The following FHIT variants were observed in gnomAD, a reference collection of about 807,000 sequenced individuals.
The protein encoded by FHIT is bis(5'-adenosyl)-triphosphatase.
A neutral mutation model predicts 17.9 loss-of-function variants in FHIT; 19 were observed. The observed-to-expected ratio is 1.06, with a 90% CI of 0.74 to 1.56. The LOEUF is 1.56. Ranked by LOEUF, FHIT falls within the 40% of genes most tolerant of loss-of-function variation. The pLI, the probability that FHIT is intolerant of heterozygous loss-of-function variation, is 0.00. For missense variants in FHIT, 248 were observed against 189.2 expected (o/e 1.31, Z -1.82); for synonymous variants, 81 against 69.7 (o/e 1.16, Z -0.81).
chr3:60,381,750 TG>T (rs1700807845), intron 5 of FHIT, among the ~76,000 whole-genome samples: 1 of 152,188 alleles, frequency 6.6e-6, no homozygotes, highest in Non-Finnish European at 1.5e-5. Context: ...TTTCCTTTTT[TG>T]TTTTTTTTCT....
intron 5 of FHIT, among the ~76,000 whole-genome samples, chr3:60,395,442 C>A (rs1286237887): frequency 6.6e-6 from 1 of 152,100 alleles, no homozygotes; most frequent in Admixed American, 6.6e-5. Flanking sequence ...GAATCCATAG[C>A]CTTCACTCTT....
intron 5 of FHIT, among the ~76,000 whole-genome samples, chr3:60,032,581 A>G (rs898501505): frequency 6.6e-6 from 1 of 152,248 alleles, no homozygotes; most frequent in Non-Finnish European, 1.5e-5. Flanking sequence ...GTGTGACGGG[A>G]AACTTTATAA....
intron 3 of FHIT, among the ~76,000 whole-genome samples, chr3:60,834,348 G>A (rs1702446248): frequency 6.6e-6 from 1 of 152,120 alleles, no homozygotes; most frequent in Non-Finnish European, 1.5e-5. Flanking sequence ...GCATTTCCCT[G>A]ATGGTTAATA....
intron 5 of FHIT, among the ~76,000 whole-genome samples, chr3:60,300,339 T>C (rs1708404996): frequency 6.6e-6 from 1 of 152,000 alleles, no homozygotes; most frequent in African/African-American, 2.4e-5. Context: ...AAAAAAAGTG[T>C]AACTGAGGGA....
chr3:60,614,964 G>T (rs576201300), intron 4 of FHIT, among the ~76,000 whole-genome samples: 1 of 151,532 alleles, frequency 6.6e-6, no homozygotes, highest in African/African-American at 2.4e-5. Context: ...CGGGTAGCTG[G>T]GACTACAGGC....
At position 60,312,401 on chromosome 3, in the gene FHIT, C is replaced by T. The variant is rs13314418; in HGVS notation, c.103+224459G>A. Among the ~76,000 whole-genome samples, 1,155 of 152,200 alleles carry T rather than the reference C, an allele frequency of 7.6e-3. 16 individuals are homozygous for T. The highest frequency in any genetic ancestry group is 0.026 in the African/African-American group (1,090 of 41,520). Reference sequence around the variant, plus strand: ...AAGTGATCCTCCTTGCCTTGGCCCCCCAAAGTGCCAGGACCTTAGCCATGA... The same window carrying T: ...AAGTGATCCTCCTTGCCTTGGCCCCTCAAAGTGCCAGGACCTTAGCCATGA... On this transcript the variant is annotated intron_variant, in intron 5 of 9. Coordinates refer to ENST00000492590, the MANE Select transcript of FHIT (RefSeq NM_002012.4).
At chr3:60,318,557 A>G in intron 5 of FHIT, among the ~76,000 whole-genome samples, 1 of 152,216 alleles carries the variant, frequency 6.6e-6, no homozygotes, top group East Asian at 1.9e-4. Context: ...GGGCCTTGTC[A>G]CAACAAGTAA....
intron 5 of FHIT, among the ~76,000 whole-genome samples, chr3:60,045,840 T>C (rs1701631521): frequency 6.6e-6 from 1 of 152,162 alleles, no homozygotes; most frequent in African/African-American, 2.4e-5. Context: ...GAGGAACACC[T>C]GGAGGAGAGC....
intron 1 of FHIT, among the ~76,000 whole-genome samples, chr3:61,212,636 C>T (rs992303280): frequency 6.6e-6 from 1 of 152,084 alleles, no homozygotes; most frequent in African/African-American, 2.4e-5. Context: ...CATTCAGCTT[C>T]AGGAAATACA....
chr3:60,732,506 T>C, intron 4 of FHIT: 1 of 674,110 alleles, frequency 1.5e-6, no homozygotes, highest in Non-Finnish European at 2.8e-6. Flanking sequence ...CCCAAATCCT[T>C]TCTTTCCAGC....
At chr3:59,811,143 C>T (rs6800951) in intron 8 of FHIT, among the ~76,000 whole-genome samples, 1,589 of 152,278 alleles carry the variant, frequency 0.01, 24 homozygotes, top group African/African-American at 0.036. Flanking sequence ...CACAACACAA[C>T]GTCAAGGATG....
At chr3:60,955,603 T>TATATATATATATACATATATATATATAC (rs1709080810) in intron 3 of FHIT, among the ~76,000 whole-genome samples, 2 of 8,932 alleles carry the variant, frequency 2.2e-4, no homozygotes, top group Non-Finnish European at 7.3e-4. Context: ...TATACATATA[T>TATATATATATATACATATATATATATAC]ATATATATAT....
intron 1 of FHIT, among the ~76,000 whole-genome samples, chr3:61,227,920 A>G (rs2040009467): frequency 6.6e-6 from 1 of 152,188 alleles, no homozygotes; most frequent in Admixed American, 6.5e-5. Flanking sequence ...AATTTGGCCT[A>G]AAAACTCAAT....
intron 5 of FHIT, among the ~76,000 whole-genome samples, chr3:60,451,201 A>C (rs1485677753): frequency 3.9e-5 from 6 of 152,004 alleles, no homozygotes; most frequent in Admixed American, 3.9e-4. Flanking sequence ...TCAGGGGCCC[A>C]GTGCTCCTGA....
At chr3:59,953,734 A>C (rs1048514739) in intron 7 of FHIT, among the ~76,000 whole-genome samples, 2 of 152,200 alleles carry the variant, frequency 1.3e-5, no homozygotes, top group African/African-American at 4.8e-5. Flanking sequence ...CAGCCTCTGC[A>C]ACTGGCATTC....
At chr3:61,114,660 A>C (rs1282552484) in intron 2 of FHIT, among the ~76,000 whole-genome samples, 1 of 152,134 alleles carries the variant, frequency 6.6e-6, no homozygotes, top group Admixed American at 6.5e-5. Context: ...TGGCCATGGA[A>C]CCTGGAAATA....
intron 5 of FHIT, among the ~76,000 whole-genome samples, chr3:60,373,443 T>C (rs773610282): frequency 1.1e-4 from 16 of 152,170 alleles, no homozygotes; most frequent in Admixed American, 3.9e-4. Flanking sequence ...CAAGGCACGA[T>C]AGTGTGAGAC....
intron 5 of FHIT, among the ~76,000 whole-genome samples, chr3:60,284,242 T>C (rs76896980): frequency 2.4e-4 from 37 of 152,292 alleles, no homozygotes; most frequent in African/African-American, 8.9e-4. Context: ...CACTTACATT[T>C]AAGAATCGTA....
intron 5 of FHIT, among the ~76,000 whole-genome samples, chr3:60,245,562 A>G (rs957249728): frequency 1.3e-5 from 2 of 152,082 alleles, no homozygotes; most frequent in African/African-American, 4.8e-5. Flanking sequence ...ATTTTCACCT[A>G]CGATATTAGG....
Sources: allele counts gnomAD v4.1 joint callset (sites outside exome capture counted in the v4.1 genomes callset), GRCh38; gene constraint gnomAD v4.1.1; transcripts MANE v1.5; gene names NCBI Gene and HGNC (gene_info 2026-07-23, HGNC 2026-07-21).